The following MAP3K7CL variants were observed in gnomAD, a reference collection of about 807,000 sequenced individuals.
MAP3K7CL encodes the protein MAP3K7 C-terminal-like protein.
MAP3K7CL carries 16 observed loss-of-function variants against 18.6 expected under a neutral mutation model. The observed-to-expected ratio is 0.86, with a 90% confidence interval of 0.58 to 1.31. The LOEUF (loss-of-function observed/expected upper bound fraction) is 1.31, where lower values mean the gene tolerates loss of function less well. Among genes scored for constraint, MAP3K7CL ranks in the 50% most tolerant of loss-of-function variants. The probability of loss-of-function intolerance (pLI) is 0.00; values close to 1 mark genes in which losing one functional copy is unlikely to be tolerated. For synonymous variants in MAP3K7CL, 65 were observed against 66.8 expected, an observed-to-expected ratio of 0.97 and a Z score of 0.13; for missense variants, 163 against 174.4, an observed-to-expected ratio of 0.93 and a Z score of 0.37.
chr21:29,175,003 CACATGACAA>C lies in MAP3K7CL; in HGVS notation c.*112_*120del. 1 of 1,050,198 alleles carries C rather than the reference CACATGACAA, an allele frequency of 9.5e-7. No individual in the cohort carries two copies. The highest frequency in any genetic ancestry group is 1.7e-5 in the South Asian group (1 of 57,314). 65.1% of individuals were successfully genotyped at this position (1,050,198 alleles called of 1,614,324 possible). On this transcript the variant is annotated 3_prime_UTR_variant, in exon 5 of 5. Coordinates refer to ENST00000399928, the MANE Select transcript of MAP3K7CL (RefSeq NM_001286620.2). ...AGATCTATTGCTTCTCTGTATTACC[CACATGACAA>C]CTGTCTATAATGAGTTTACTGCTTG...
rs188341355 is a variant in MAP3K7CL, at chr21:29,165,138, C to T, written c.248+5082C>T. Among the ~76,000 whole-genome samples, 28 of 152,242 alleles carry T rather than the reference C, an allele frequency of 1.8e-4. No homozygotes were observed. The East Asian group carries it at 5.0e-3, about 27-fold the overall frequency. On this transcript the variant is annotated intron_variant, in intron 4 of 4. Coordinates refer to ENST00000399928, the MANE Select transcript of MAP3K7CL (RefSeq NM_001286620.2). ...TTTTTAAAAGTATATTATTAAGCTA[C>T]AATCAACTGTAAAGTTTGCTTTGTT...
chr21:29,169,168 GA>G (rs1179166596), intron 4 of MAP3K7CL, among the ~76,000 whole-genome samples: 1 of 152,218 alleles, frequency 6.6e-6, no homozygotes, highest in East Asian at 1.9e-4. Flanking sequence ...CAACGACAAA[GA>G]ATTGCCTGGC....
chr21:29,131,588 C>G (rs1233575828), intron 1 of MAP3K7CL: 3 of 152,136 alleles, frequency 2.0e-5, no homozygotes, highest in African/African-American at 7.2e-5. Flanking sequence ...TTAAATGTTT[C>G]ATGTCACTAT....
chr21:29,154,165 C>T (rs1003060847), intron 3 of MAP3K7CL, among the ~76,000 whole-genome samples: 4 of 152,046 alleles, frequency 2.6e-5, no homozygotes, highest in Admixed American at 6.6e-5. Context: ...GAATTAAATA[C>T]GGTAATGAGT....
At position 29,159,823 on chromosome 21, in the gene MAP3K7CL, G is replaced by T. The variant is rs558507863; in HGVS notation, c.133-118G>T. ...TGTTGACTGACAATGCTGTTCTCAC[G>T]TTAAAAAAAAAAAAGAAGAAGAAAA... On this transcript the variant is annotated intron_variant, in intron 3 of 4. Coordinates refer to ENST00000399928, the MANE Select transcript of MAP3K7CL (RefSeq NM_001286620.2). 229 of 618,180 alleles carry T rather than the reference G, an allele frequency of 3.7e-4. 2 individuals are homozygous for T. The highest frequency in any genetic ancestry group is 7.1e-5 in the Non-Finnish European group (27 of 380,214). 38.3% of individuals were successfully genotyped at this position (618,180 alleles called of 1,614,324 possible). A position where few individuals can be genotyped will look rare whatever the true frequency, so the allele number is the denominator to read the frequency against.
At chr21:29,157,448 G>T (rs911977233) in intron 3 of MAP3K7CL, among the ~76,000 whole-genome samples, 2 of 152,156 alleles carry the variant, frequency 1.3e-5, no homozygotes, top group African/African-American at 4.8e-5. Context: ...CAAGTTGAAG[G>T]CTTAGTTTTT....
At chr21:29,173,221 T>G (rs2087885471) in intron 4 of MAP3K7CL, among the ~76,000 whole-genome samples, 2 of 152,190 alleles carry the variant, frequency 1.3e-5, no homozygotes, top group Admixed American at 1.3e-4. Context: ...CTTTGGTCAT[T>G]TGGGTACAAC....
chr21:29,126,321 A>C (rs1420962579), upstream of MAP3K7CL, among the ~76,000 whole-genome samples: 6 of 152,348 alleles, frequency 3.9e-5, no homozygotes, highest in East Asian at 1.2e-3. Context: ...TGTTTTTGTC[A>C]ATAAAGTCAG....
intron 2 of MAP3K7CL, among the ~76,000 whole-genome samples, chr21:29,135,070 C>CAA (rs1267352848): frequency 7.1e-6 from 1 of 141,044 alleles, no homozygotes; most frequent in Non-Finnish European, 1.6e-5. Context: ...ACAAAAAAAA[C>CAA]AAAAAACAAA....
intron 4 of MAP3K7CL, among the ~76,000 whole-genome samples, chr21:29,168,017 C>T (rs1489736390): frequency 6.6e-6 from 1 of 152,034 alleles, no homozygotes; most frequent in Non-Finnish European, 1.5e-5. Context: ...CAATTTTATC[C>T]CTTTTATTTG....
At chr21:29,148,128 A>G (rs747277503) in intron 2 of MAP3K7CL, among the ~76,000 whole-genome samples, 1 of 146,544 alleles carries the variant, frequency 6.8e-6, no homozygotes, top group Non-Finnish European at 1.5e-5. Flanking sequence ...GTGTGTCTGT[A>G]TTTTATATGT....
intron 2 of MAP3K7CL, among the ~76,000 whole-genome samples, chr21:29,147,591 G>A (rs2087164132): frequency 6.6e-6 from 1 of 151,624 alleles, no homozygotes; most frequent in Admixed American, 6.6e-5. Context: ...GTATGTATCT[G>A]TACTGTATGT....
At chr21:29,097,107 T>G (rs1568932925) in intron 4 of MAP3K7CL, among the ~76,000 whole-genome samples, 2 of 152,006 alleles carry the variant, frequency 1.3e-5, no homozygotes, top group African/African-American at 4.8e-5. Flanking sequence ...AAATCACAAG[T>G]AGGGGTAAGG....
Position 29,158,917 on chromosome 21 carries a change from C to CTTTT in MAP3K7CL, c.133-1006_133-1003dup, listed in dbSNP as rs36003464. ...TTAACTAGTATTCCTAAAAGTAGTA[C>CTTTT]TTTTTTTTTTTTTTTTTTTTTGCAA... is the stretch of plus-strand genomic sequence containing the variant. On this transcript the variant is annotated intron_variant, in intron 3 of 4. Coordinates refer to ENST00000399928, the MANE Select transcript of MAP3K7CL (RefSeq NM_001286620.2). 1.1e-3 allele frequency among the ~76,000 whole-genome samples: 109 copies of CTTTT among 100,436 alleles called. 2 individuals are homozygous for CTTTT. The highest frequency in any genetic ancestry group is 1.4e-3 in the African/African-American group (35 of 25,002). The allele number at this position is 100,436 out of a possible 152,430, so 65.9% of individuals were successfully genotyped here. A position where few individuals can be genotyped will look rare whatever the true frequency, so the allele number is the denominator to read the frequency against.
intron 3 of MAP3K7CL, among the ~76,000 whole-genome samples, chr21:29,156,905 G>A (rs2087418008): frequency 6.6e-6 from 1 of 152,100 alleles, no homozygotes; most frequent in Non-Finnish European, 1.5e-5. Flanking sequence ...ACTTTGATTT[G>A]CTCAACAATG....
chr21:29,083,257 T>G (rs1363848798), upstream of MAP3K7CL, among the ~76,000 whole-genome samples: 1 of 152,182 alleles, frequency 6.6e-6, no homozygotes, highest in African/African-American at 2.4e-5. Context: ...AAATGCCTAA[T>G]TGCAAAAATT....
intron 1 of MAP3K7CL, among the ~76,000 whole-genome samples, chr21:29,089,505 A>G (rs926136637): frequency 1.3e-5 from 2 of 152,202 alleles, no homozygotes; most frequent in African/African-American, 4.8e-5. Context: ...CAACCAAAAT[A>G]TAAACTGCCT....
rs1326011395 is a variant in MAP3K7CL, at chr21:29,136,532, A to AT, written c.70+3128dup. 3.4e-3 allele frequency among the ~76,000 whole-genome samples: 436 copies of AT among 129,428 alleles called. 3 individuals are homozygous for AT. Among genetic ancestry groups the AT allele is most frequent in the African/African-American group, 0.011 (384 of 35,248 alleles). 84.9% of individuals were successfully genotyped at this position (129,428 alleles called of 152,430 possible). On this transcript the variant is annotated intron_variant, in intron 2 of 4. Transcript: ENST00000399928. Reference sequence around the variant, plus strand: ...ATTTTTTTCTTTTCTTTTTTATTTTATTTTTTTTTTGAGACAGAGTCTCTC... The same window carrying AT: ...ATTTTTTTCTTTTCTTTTTTATTTTATTTTTTTTTTTGAGACAGAGTCTCTC...
intron 4 of MAP3K7CL, among the ~76,000 whole-genome samples, chr21:29,160,333 G>A (rs959751215): frequency 2.6e-5 from 4 of 152,222 alleles, no homozygotes; most frequent in African/African-American, 4.8e-5. Flanking sequence ...TATGTTTTCC[G>A]TAAATGTGCC....
Sources: allele counts gnomAD v4.1 joint callset (sites outside exome capture counted in the v4.1 genomes callset), GRCh38; gene constraint gnomAD v4.1.1; transcripts MANE v1.5; gene names NCBI Gene and HGNC (gene_info 2026-07-23, HGNC 2026-07-21).